LRRC72: variants seen among roughly 807,000 people sequenced by gnomAD.
LRRC72 encodes the protein leucine-rich repeat-containing protein 72.
A neutral mutation model predicts 35.8 loss-of-function variants in LRRC72; 41 were observed. The observed-to-expected ratio is 1.15, with a 90% CI of 0.89 to 1.49. The LOEUF (loss-of-function observed/expected upper bound fraction) is 1.49, where lower values mean the gene tolerates loss of function less well. LRRC72 is among the 40% of genes most tolerant of loss of function. The pLI, the probability that LRRC72 is intolerant of heterozygous loss-of-function variation, is 0.00. For synonymous variants in LRRC72, 118 were observed against 119.2 expected, an observed-to-expected ratio of 0.99 and a Z score of 0.07; for missense variants, 389 against 330.7, an observed-to-expected ratio of 1.18 and a Z score of -1.37.
At chr7:16,559,882 C>T (rs985130899) in intron 5 of LRRC72, among the ~76,000 whole-genome samples, 4 of 149,952 alleles carry the variant, frequency 2.7e-5, no homozygotes, top group Non-Finnish European at 5.9e-5. Flanking sequence ...AAAGCTGATA[C>T]CAAAAAAAAA....
chr7:16,534,270 A>C (rs1168264520), intron 2 of LRRC72, among the ~76,000 whole-genome samples: 1 of 152,210 alleles, frequency 6.6e-6, no homozygotes, highest in Non-Finnish European at 1.5e-5. Flanking sequence ...AGCCATCATT[A>C]GTAGAATTAC....
chr7:16,578,861 C>T (rs1022675232), intron 7 of LRRC72, among the ~76,000 whole-genome samples: 1 of 152,020 alleles, frequency 6.6e-6, no homozygotes, highest in Admixed American at 6.5e-5. Flanking sequence ...ATAAGACAGA[C>T]ACAGAAGAAC....
chr7:16,537,915 G>A (rs1388944408), intron 3 of LRRC72, among the ~76,000 whole-genome samples: 2 of 152,078 alleles, frequency 1.3e-5, no homozygotes, highest in African/African-American at 4.8e-5. Context: ...CAATCTGTGA[G>A]GTGCTATCAA....
chr7:16,551,463 C>A (rs1407176338), intron 3 of LRRC72, among the ~76,000 whole-genome samples: 1 of 152,130 alleles, frequency 6.6e-6, no homozygotes, highest in Non-Finnish European at 1.5e-5. Flanking sequence ...GGCTGGCCAT[C>A]AAAAACACTA....
intron 6 of LRRC72, among the ~76,000 whole-genome samples, chr7:16,566,891 GCACA>G (rs141915405): frequency 5.3e-5 from 8 of 151,448 alleles, no homozygotes; most frequent in Non-Finnish European, 1.0e-4. Context: ...TAAGCCACAT[GCACA>G]CACACACACA....
At chr7:16,544,987 C>T (rs1305248608) in intron 3 of LRRC72, among the ~76,000 whole-genome samples, 1 of 152,156 alleles carries the variant, frequency 6.6e-6, no homozygotes, top group Non-Finnish European at 1.5e-5. Context: ...TTTATAATAA[C>T]ATCACTCACA....
At chr7:16,574,605 A>G (rs971464111) in intron 7 of LRRC72, among the ~76,000 whole-genome samples, 7 of 151,948 alleles carry the variant, frequency 4.6e-5, no homozygotes, top group African/African-American at 9.7e-5. Flanking sequence ...CAATGAGAAC[A>G]CATGGACGCA....
chr7:16,542,281 T>C (rs73297273), intron 3 of LRRC72, among the ~76,000 whole-genome samples: 1,550 of 152,358 alleles, frequency 0.01, 21 homozygotes, highest in African/African-American at 0.034. Flanking sequence ...TGTTTTACTT[T>C]CTTTTGTTTT....
chr7:16,547,167 A>G (rs530012518), intron 3 of LRRC72, among the ~76,000 whole-genome samples: 30 of 152,284 alleles, frequency 2.0e-4, no homozygotes, highest in Non-Finnish European at 2.9e-4. Flanking sequence ...CTGAAGACAC[A>G]GCCAGGAAAA....
rs542115113 is a variant in LRRC72, at chr7:16,552,483, A to C, written c.235-4877A>C. Among the ~76,000 whole-genome samples the C allele has an allele frequency of 5.9e-5, 9 of 152,310 alleles. No individual in the cohort carries two copies. In the South Asian group the frequency reaches 1.9e-3, roughly 32 times the overall value. ...GAGGAGAAAACGGAATGCTGAAAGG[A>C]AGAGTGGAAGAAGTCAAGAACAAGT... is the stretch of plus-strand genomic sequence containing the variant. On this transcript the variant is annotated intron_variant, in intron 3 of 8. Coordinates refer to ENST00000401542, the MANE Select transcript of LRRC72 (RefSeq NM_001195280.2).
chr7:16,564,584 T>C (rs992886760), intron 5 of LRRC72, among the ~76,000 whole-genome samples: 2 of 152,210 alleles, frequency 1.3e-5, no homozygotes. Flanking sequence ...TTAAATTTCT[T>C]TGTGGCTCCT....
rs764311793 is a variant in LRRC72, at chr7:16,574,800, A to AAT, written c.671-5259_671-5258dup. Among the ~76,000 whole-genome samples the AAT allele has an allele frequency of 2.6e-3, 384 of 149,906 alleles. 1 individual carries two copies. Among genetic ancestry groups the AAT allele is most frequent in the South Asian group, 6.1e-3 (29 of 4,728 alleles). ...TATCCTAAAACTTAAAGTATAATAA[A>AAT]ATATATATATATATATTTTATACTT... On this transcript the variant is annotated intron_variant, in intron 7 of 8. Transcript: ENST00000401542.
At chr7:16,558,334 C>T (rs917663113) in intron 4 of LRRC72, among the ~76,000 whole-genome samples, 9 of 152,166 alleles carry the variant, frequency 5.9e-5, no homozygotes, top group Admixed American at 2.0e-4. Flanking sequence ...ACAGGCCGGG[C>T]GCGGTGGCTC....
At position 16,555,806 on chromosome 7, in the gene LRRC72, G is replaced by A. The variant is rs181743965; in HGVS notation, c.235-1554G>A. On this transcript the variant is annotated intron_variant, in intron 3 of 8. Coordinates refer to ENST00000401542, the MANE Select transcript of LRRC72 (RefSeq NM_001195280.2). ...AAAAAATTAATAGTTCCTATGATAA[G>A]CTTTAGAAAACACACAAACAAAGAA... 2.1e-3 allele frequency among the ~76,000 whole-genome samples: 320 copies of A among 152,056 alleles called. 2 individuals are homozygous for A. Among genetic ancestry groups the A allele is most frequent in the South Asian group, 0.013 (62 of 4,812 alleles).
chr7:16,580,121 C>T lies in LRRC72; in HGVS notation c.698+20C>T. The T allele has an allele frequency of 2.8e-6, 1 of 357,960 alleles. No homozygotes were observed. Among genetic ancestry groups the T allele is most frequent in the South Asian group, 2.9e-5 (1 of 34,620 alleles). The allele number at this position is 357,960 out of a possible 1,614,324, so 22.2% of individuals were successfully genotyped here. A position where few individuals can be genotyped will look rare whatever the true frequency, so the allele number is the denominator to read the frequency against. On this transcript the variant is annotated intron_variant, in intron 8 of 8. Coordinates refer to ENST00000401542, the MANE Select transcript of LRRC72 (RefSeq NM_001195280.2). ...AGACAAGTAAGTAATTTTATCTATA[C>T]ATTTATTATCAGATTATTTCATAAT... is the stretch of plus-strand genomic sequence containing the variant.
intron 3 of LRRC72, among the ~76,000 whole-genome samples, chr7:16,544,740 CA>C (rs2128335794): frequency 6.6e-6 from 1 of 152,278 alleles, no homozygotes; most frequent in South Asian, 2.1e-4. Context: ...ATTGGTGCCA[CA>C]ATGTTAATAT....
Position 16,558,942 on chromosome 7 carries a change from A to G in LRRC72, c.370A>G (p.Thr124Ala). The G allele has an allele frequency of 6.5e-7, 1 of 1,538,542 alleles. No individual in the cohort carries two copies. Among genetic ancestry groups the G allele is most frequent in the Non-Finnish European group, 8.8e-7 (1 of 1,139,428 alleles). Reference sequence around the variant, plus strand: ...ACTCCTGCTACACCACAATGAGCTAACCAACATTGATGCAACAGTGAAGGA... The same window carrying G: ...ACTCCTGCTACACCACAATGAGCTAGCCAACATTGATGCAACAGTGAAGGA... ...HILLLHHNEL[T>A]NIDATVKELK... The change falls in exon 5 of 9, where the codon ACC (threonine) becomes GCC (alanine). Residue 124 changes from threonine (T) to alanine (A), a missense_variant. Thr to Ala is a moderately conservative substitution (Grantham distance 58). Transcript: ENST00000401542.
At chr7:16,575,768 C>A (rs1327642437) in intron 7 of LRRC72, among the ~76,000 whole-genome samples, 1 of 152,134 alleles carries the variant, frequency 6.6e-6, no homozygotes, top group Non-Finnish European at 1.5e-5. Context: ...GTAGACCATG[C>A]TGTGGTAGGA....
intron 1 of LRRC72, among the ~76,000 whole-genome samples, chr7:16,531,023 C>T (rs1266775180): frequency 2.0e-5 from 3 of 151,796 alleles, no homozygotes; most frequent in South Asian, 4.2e-4. Flanking sequence ...ATGGTGAAAC[C>T]CCATCTCTAC....
Sources: allele counts gnomAD v4.1 joint callset (sites outside exome capture counted in the v4.1 genomes callset), GRCh38; gene constraint gnomAD v4.1.1; transcripts MANE v1.5; gene names NCBI Gene and HGNC (gene_info 2026-07-23, HGNC 2026-07-21).